The following LGALS9 variants were observed in gnomAD, a reference collection of about 807,000 sequenced individuals.
The protein encoded by LGALS9 is galectin-9.
Under a neutral mutation model 35.9 loss-of-function variants are expected in LGALS9, and 26 were observed. The ratio of observed to expected loss-of-function variants is 0.72; its 90% CI spans 0.53 to 1.01. The LOEUF (loss-of-function observed/expected upper bound fraction) is 1.01. Ranked by LOEUF, LGALS9 falls within the 50% of genes least tolerant of loss-of-function variation. The pLI is 0.00. For missense variants in LGALS9, 347 were observed against 445.8 expected (o/e 0.78, Z 1.99); for synonymous variants, 149 against 172.2 (o/e 0.87, Z 1.06).
Position 27,649,011 on chromosome 17 carries a change from T to C in LGALS9, c.*29T>C, listed in dbSNP as rs879004508. On this transcript the variant is annotated 3_prime_UTR_variant, in exon 11 of 11. Transcript: ENST00000395473. ...GCTTCCTGGCCCTGGGGCCGGGGGC[T>C]GGGGTGTGGGGCAGTCTGGGTCCTC... is the stretch of plus-strand genomic sequence containing the variant. 6 of 1,613,674 alleles carry C rather than the reference T, an allele frequency of 3.7e-6. No individual in the cohort carries two copies. The South Asian group carries it at 5.5e-5, about 15-fold the overall frequency.
intron 3 of LGALS9, among the ~76,000 whole-genome samples, chr17:27,641,977 T>A (rs563512578): frequency 0.013 from 1,912 of 151,766 alleles, 15 homozygotes; most frequent in Non-Finnish European, 0.019. Context: ...AATAAATAAT[T>A]AATAAATGAA....
intron 1 of LGALS9, among the ~76,000 whole-genome samples, chr17:27,636,196 T>C (rs747437419): frequency 2.6e-5 from 4 of 152,220 alleles, no homozygotes; most frequent in Non-Finnish European, 5.9e-5. Flanking sequence ...CAGAAAGCAG[T>C]GGCAAGTAGG....
At chr17:27,637,381 G>C (rs1026404815) in intron 1 of LGALS9, among the ~76,000 whole-genome samples, 10 of 152,192 alleles carry the variant, frequency 6.6e-5, no homozygotes, top group African/African-American at 2.2e-4. Context: ...AGGTGAAATA[G>C]GCTTCCCAAG....
In LGALS9 at chr17:27,647,032, G is replaced by T; in HGVS notation, c.672G>T (p.Pro224=). 3.1e-6 allele frequency: 5 copies of T among 1,613,910 alleles called. No individual in the cohort carries two copies. Among genetic ancestry groups the T allele is most frequent in the Non-Finnish European group, 4.2e-6 (5 of 1,179,874 alleles). Residue 224 remains proline, a splice_region_variant and synonymous_variant, in exon 9 of 11, where the codon CCG becomes CCT. Transcript: ENST00000395473. ...ACCTGTCCCCCTTCTTCCGACAGCC[G>T]ATGCCTTTCATCACCACCATTCTGG... ...PPMMYPHPAY[P]MPFITTILGG... is the part of the protein sequence containing the mutation.
intron 10 of LGALS9, among the ~76,000 whole-genome samples, chr17:27,648,311 T>C (rs1323252081): frequency 6.6e-6 from 1 of 152,256 alleles, no homozygotes; most frequent in Non-Finnish European, 1.5e-5. Context: ...AATTATTCTG[T>C]GCTTCAGTTT....
At chr17:27,638,875 G>T (rs1400568838) in intron 2 of LGALS9, among the ~76,000 whole-genome samples, 2 of 152,178 alleles carry the variant, frequency 1.3e-5, no homozygotes, top group South Asian at 4.1e-4. Context: ...AAGGTGGGCT[G>T]TCTGGGAACA....
intron 2 of LGALS9, among the ~76,000 whole-genome samples, chr17:27,638,957 C>T (rs1324548329): frequency 7.2e-5 from 11 of 152,130 alleles, no homozygotes; most frequent in Admixed American, 7.2e-4. Flanking sequence ...CTGACCCCTG[C>T]CGAGGCACCC....
chr17:27,648,043 C>G (rs116009451), intron 10 of LGALS9, among the ~76,000 whole-genome samples: 2,091 of 152,364 alleles, frequency 0.014, 30 homozygotes, highest in African/African-American at 0.037. Context: ...TCAAATCACC[C>G]AGAGAGCTTA....
intron 10 of LGALS9, 93 bp downstream of exon 10, chr17:27,647,525 G>A: frequency 2.0e-6 from 3 of 1,519,206 alleles, no homozygotes; most frequent in Non-Finnish European, 2.7e-6. Flanking sequence ...ACAGTATGGG[G>A]GCTGATTCCT....
At chr17:27,632,959 A>G (rs2151287829) in intron 1 of LGALS9, among the ~76,000 whole-genome samples, 1 of 152,220 alleles carries the variant, frequency 6.6e-6, no homozygotes, top group East Asian at 1.9e-4. Context: ...GAGTGCCATG[A>G]GGGCCTGGCT....
intron 1 of LGALS9, among the ~76,000 whole-genome samples, chr17:27,635,976 G>A (rs1215867002): frequency 6.6e-6 from 1 of 152,218 alleles, no homozygotes; most frequent in Non-Finnish European, 1.5e-5. Context: ...GAGAAGCTGT[G>A]ATTTGCTTGA....
chr17:27,647,574 A>AATTATTATT lies in LGALS9; in HGVS notation c.921+150_921+158dup, dbSNP rs61484244. 663 of 1,078,280 alleles carry AATTATTATT rather than the reference A, an allele frequency of 6.1e-4. 4 individuals carry two copies. Among genetic ancestry groups the AATTATTATT allele is most frequent in the African/African-American group, 6.0e-3 (373 of 62,406 alleles). The allele number at this position is 1,078,280 out of a possible 1,614,324, so 66.8% of individuals were successfully genotyped here. A position where few individuals can be genotyped will look rare whatever the true frequency, so the allele number is the denominator to read the frequency against. On this transcript the variant is annotated intron_variant, in intron 10 of 10. Transcript: ENST00000395473. ...CCAAAAGAAGAGAAGGTGGCCAACA[A>AATTATTATT]ATTATTATTATTATTACTGTCCCGC...
chr17:27,636,755 G>A (rs1272394362), intron 1 of LGALS9, among the ~76,000 whole-genome samples: 2 of 151,988 alleles, frequency 1.3e-5, no homozygotes, highest in Non-Finnish European at 2.9e-5. Flanking sequence ...TTATAGATGT[G>A]AGCCACTGTG....
At position 27,648,492 on chromosome 17, in the gene LGALS9, G is replaced by A. The variant is rs111968812; in HGVS notation, c.922-344G>A. On this transcript the variant is annotated intron_variant, in intron 10 of 10. Transcript: ENST00000395473. Reference sequence around the variant, plus strand: ...TTAACATTTGTACCCTGACTGCTTCGTGGAGAAGGCATTGGGGTGGAAAAG... The same window carrying A: ...TTAACATTTGTACCCTGACTGCTTCATGGAGAAGGCATTGGGGTGGAAAAG... Among the ~76,000 whole-genome samples, 715 of 152,272 alleles carry A rather than the reference G, an allele frequency of 4.7e-3. 6 individuals are homozygous for A. Among genetic ancestry groups the A allele is most frequent in the African/African-American group, 0.016 (655 of 41,532 alleles).
At chr17:27,634,774 T>C (rs2074427313) in intron 1 of LGALS9, among the ~76,000 whole-genome samples, 1 of 152,168 alleles carries the variant, frequency 6.6e-6, no homozygotes, top group South Asian at 2.1e-4. Flanking sequence ...ACAAAGTCCC[T>C]TCTACAACAT....
Position 27,646,564 on chromosome 17 carries a change from T to C in LGALS9, c.645T>C (p.Pro215=). ...TTCAACAGACTCCCGCCATCCCACC[T>C]ATGATGTACCCCCACCCCGCCTATG... ...GQMFSTPAIP[P]MMYPHPAYPM... is the part of the protein sequence containing the mutation. The change falls in exon 8 of 11, where the codon CCT becomes CCC. Residue 215 remains proline (P), a synonymous_variant. Coordinates refer to ENST00000395473, the MANE Select transcript of LGALS9 (RefSeq NM_009587.3). The C allele has an allele frequency of 6.2e-7, 1 of 1,612,170 alleles. No individual in the cohort carries two copies. Among genetic ancestry groups the C allele is most frequent in the Non-Finnish European group, 8.5e-7 (1 of 1,179,894 alleles).
chr17:27,640,683 C>T lies in LGALS9; in HGVS notation c.243C>T (p.Ser81=). ...YVVCNTRQNG[S]WGPEERKTHM... ...TGTGCAACACGAGGCAGAACGGAAG[C>T]TGGGGGCCCGAGGAGAGGAAGACAC... Residue 81 remains serine, a synonymous_variant, in exon 3 of 11, where the codon AGC becomes AGT. Transcript: ENST00000395473. 1.2e-6 allele frequency: 2 copies of T among 1,614,270 alleles called. No homozygotes were observed. The highest frequency in any genetic ancestry group is 1.7e-6 in the Non-Finnish European group (2 of 1,180,042).
In LGALS9 at chr17:27,643,606, G is replaced by A. The variant is rs1483435824; in HGVS notation, c.526G>A (p.Gly176Arg). 9 of 1,611,398 alleles carry A rather than the reference G, an allele frequency of 5.6e-6. No homozygotes were observed. Among genetic ancestry groups the A allele is most frequent in the Non-Finnish European group, 7.6e-6 (9 of 1,179,638 alleles). ...QPVCFPPRPR[G>R]RRQKPPGVWP... The stretch of plus-strand genomic sequence containing the variant: ...TGTCTGTTTCCCACCCAGGCCCAGG[G>A]GGCGCAGACAAAAAGTGAGTTCAAC... Residue 176 changes from glycine (G) to arginine (R), a missense_variant, in exon 5 of 11, where the codon GGG (glycine) becomes AGG (arginine). By Grantham distance (125) the Gly-to-Arg change is moderately radical (BLOSUM62 -2). Transcript: ENST00000395473.
At chr17:27,643,924 T>C (rs1176000431) in intron 5 of LGALS9, 16 of 363,124 alleles carry the variant, frequency 4.4e-5, no homozygotes, top group Non-Finnish European at 7.5e-5. Context: ...CCCCACCCCC[T>C]ACACCCAACC....
Sources: allele counts gnomAD v4.1 joint callset (sites outside exome capture counted in the v4.1 genomes callset), GRCh38; gene constraint gnomAD v4.1.1; transcripts MANE v1.5; gene names NCBI Gene and HGNC (gene_info 2026-07-23, HGNC 2026-07-21).